ERCC2: variants seen among roughly 807,000 people sequenced by gnomAD.
ERCC2 encodes the protein general transcription and DNA repair factor IIH helicase subunit XPD.
ERCC2 carries 90 observed loss-of-function variants against 99.4 expected under a neutral mutation model. The ratio of observed to expected loss-of-function variants is 0.91; its 90% CI spans 0.76 to 1.08. ERCC2 has a LOEUF of 1.08. Among genes scored for constraint, ERCC2 ranks in the 50% least tolerant of loss-of-function variants. The probability of loss-of-function intolerance (pLI) is 0.00; values close to 1 mark genes in which losing one functional copy is unlikely to be tolerated. For missense variants in ERCC2, 993 were observed against 1,038.1 expected (o/e 0.96, Z 0.60); for synonymous variants, 497 against 432.4 (o/e 1.15, Z -1.85).
chr19:45,366,595 C>T (rs1972432993), intron 5 of ERCC2, among the ~76,000 whole-genome samples: 1 of 152,174 alleles, frequency 6.6e-6, no homozygotes, highest in Non-Finnish European at 1.5e-5. Flanking sequence ...CCCCTTACCC[C>T]TGACCTGCTC....
At position 45,350,910 on chromosome 19, in the gene ERCC2, C is replaced by G; in HGVS notation, c.*719G>C. 6.3e-7 allele frequency: 1 copy of G among 1,597,850 alleles called. No homozygotes were observed. The highest frequency in any genetic ancestry group is 8.6e-7 in the Non-Finnish European group (1 of 1,165,538). ...GGAAAGGTCCCTCGTGGAGGGGGGC[C>G]ACTCCTGGATTCACTCATTTCCTCC... On this transcript the variant is annotated 3_prime_UTR_variant, in exon 23 of 23. Transcript: ENST00000391945.
At chr19:45,358,900 T>G in intron 12 of ERCC2, 1 of 780,276 alleles carries the variant, frequency 1.3e-6, no homozygotes, top group South Asian at 1.3e-5. Flanking sequence ...GCTTCCACAG[T>G]GCTGAGCCTG....
Position 45,350,346 on chromosome 19 carries a change from A to G in ERCC2, c.*1283T>C. On this transcript the variant is annotated 3_prime_UTR_variant, in exon 23 of 23. Transcript: ENST00000391945. ...AGACACTCCCTTCTCCGCAGGCCTC[A>G]GCCTACCTGAAACAGAACAAGTATC... is the stretch of plus-strand genomic sequence containing the variant. 1 of 1,613,448 alleles carries G rather than the reference A, an allele frequency of 6.2e-7. No individual in the cohort carries two copies. The highest frequency in any genetic ancestry group is 8.5e-7 in the Non-Finnish European group (1 of 1,179,930).
intron 12 of ERCC2, among the ~76,000 whole-genome samples, chr19:45,359,322 G>A (rs1972127664): frequency 6.6e-6 from 1 of 152,176 alleles, no homozygotes; most frequent in East Asian, 1.9e-4. Context: ...GGAAGATGGG[G>A]CAGGACAGAG....
intron 12 of ERCC2, chr19:45,358,997 G>A (rs1325539617): frequency 1.5e-6 from 1 of 671,642 alleles, no homozygotes; most frequent in Non-Finnish European, 2.7e-6. Flanking sequence ...CTGTGCTGGG[G>A]ACACAGTGGT....
chr19:45,352,526 G>A lies in ERCC2; in HGVS notation c.2026C>T (p.Leu676Phe). The A allele has an allele frequency of 6.2e-7, 1 of 1,614,188 alleles. No individual in the cohort carries two copies. The highest frequency in any genetic ancestry group is 8.5e-7 in the Non-Finnish European group (1 of 1,180,038). ...TGCACCTTGTCGGCAAAGACCATGAGGCCGTAGTCCGTCTTGCCCCTGATG... is the reference window on the plus strand; with the variant it reads ...TGCACCTTGTCGGCAAAGACCATGAAGCCGTAGTCCGTCTTGCCCCTGATG... ...RAIRGKTDYG[L>F]MVFADKRFAR... The change falls in exon 21 of 23, where the codon CTC becomes TTC. Residue 676 changes from leucine (L) to phenylalanine (F), a missense_variant. By Grantham distance (22) the Leu-to-Phe change is conservative (BLOSUM62 0). This residue lies in a region of ERCC2 where 909 missense variants were observed against 930.8 expected (regional missense o/e 0.98). Coordinates refer to ENST00000391945, the MANE Select transcript of ERCC2 (RefSeq NM_000400.4).
chr19:45,353,234 A>T lies in ERCC2; in HGVS notation c.1758+8T>A, dbSNP rs546806453. ...CGACCCCTCTCCACGCTGGCCTCGC[A>T]CACCCACCTCCTGGTACTTCTCCAG... On this transcript the variant is annotated splice_region_variant and intron_variant, in intron 18 of 22. Transcript: ENST00000391945. 1.2e-6 allele frequency: 2 copies of T among 1,613,032 alleles called. No individual in the cohort carries two copies. The highest frequency in any genetic ancestry group is 1.7e-5 in the Admixed American group (1 of 59,952).
intron 5 of ERCC2, among the ~76,000 whole-genome samples, chr19:45,368,013 C>T (rs547680044): frequency 2.0e-5 from 3 of 151,448 alleles, no homozygotes; most frequent in African/African-American, 4.8e-5. Flanking sequence ...TTGGCATTAC[C>T]GACGTGTACA....
At chr19:45,353,410 TC>T in intron 17 of ERCC2, 76 bp from the exon 18 acceptor site, 2 of 940,450 alleles carry the variant, frequency 2.1e-6, no homozygotes. Context: ...TTCTGGGGAC[TC>T]CCACATCACC....
At position 45,353,142 on chromosome 19, in the gene ERCC2, C is replaced by T; in HGVS notation, c.1772G>A (p.Gly591Asp). Residue 591 changes from glycine to aspartate, a missense_variant, in exon 19 of 23, where the codon GGC (glycine) becomes GAC (aspartate). Gly to Asp is a moderately conservative substitution (Grantham distance 94). Around this residue, in one of 3 missense-constraint regions of ERCC2, gnomAD observed 909 missense variants for 930.8 expected, o/e 0.98. Transcript: ENST00000391945. ...CACTGACAGCAGGATGGCCCCGCGGCCATTCTCGCAGGCCTGAGGTGGGGA... is the reference window on the plus strand; with the variant it reads ...CACTGACAGCAGGATGGCCCCGCGGTCATTCTCGCAGGCCTGAGGTGGGGA... Reference protein sequence around the residue: ...LEKYQEACENGRGAILLSVAR... With the variant: ...LEKYQEACENDRGAILLSVAR... The T allele has an allele frequency of 6.2e-7, 1 of 1,613,836 alleles. No homozygotes were observed. Among genetic ancestry groups the T allele is most frequent in the Middle Eastern group, 1.7e-4 (1 of 5,982 alleles).
At position 45,350,804 on chromosome 19, in the gene ERCC2, C is replaced by G. The variant is rs1419899245; in HGVS notation, c.*825G>C. 7.7e-7 allele frequency: 1 copy of G among 1,300,724 alleles called. No homozygotes were observed. The highest frequency in any genetic ancestry group is 1.1e-6 in the Non-Finnish European group (1 of 924,718). The allele number at this position is 1,300,724 out of a possible 1,614,324, so 80.6% of individuals were successfully genotyped here. A position where few individuals can be genotyped will look rare whatever the true frequency, so the allele number is the denominator to read the frequency against. On this transcript the variant is annotated 3_prime_UTR_variant, in exon 23 of 23. Transcript: ENST00000391945. ...GACATCAGCAGAATCCACAGCCCAC[C>G]CCACCCCCACCCCCATCTTGCTCAA...
Position 45,350,575 on chromosome 19 carries a change from TCCTGGGGTGGGCGTGGGGACTGCATGGG to T in ERCC2, c.*1026_*1053del, listed in dbSNP as rs1971690849. On this transcript the variant is annotated 3_prime_UTR_variant, in exon 23 of 23. Coordinates refer to ENST00000391945, the MANE Select transcript of ERCC2 (RefSeq NM_000400.4). ...AGGTGAGGATGGGCTGTGCTTCGGCTCCTGGGGTGGGCGTGGGGACTGCATGGGCCTGGGGGACTGAGCAGCATCCCCG... is the reference window on the plus strand; with the variant it reads ...AGGTGAGGATGGGCTGTGCTTCGGCTCCTGGGGGACTGAGCAGCATCCCCG... 2 of 1,613,572 alleles carry T rather than the reference TCCTGGGGTGGGCGTGGGGACTGCATGGG, an allele frequency of 1.2e-6. No homozygotes were observed. Among genetic ancestry groups the T allele is most frequent in the Non-Finnish European group, 1.7e-6 (2 of 1,179,858 alleles).
Position 45,357,261 on chromosome 19 carries a change from C to T in ERCC2, c.1479+9G>A. ...CCTCCCGGCCCCAGCCCTAGCCTCT[C>T]CCACTCACCATAGGGCAGAGGCAGA... On this transcript the variant is annotated intron_variant, in intron 15 of 22. Coordinates refer to ENST00000391945, the MANE Select transcript of ERCC2 (RefSeq NM_000400.4). 1.2e-6 allele frequency: 2 copies of T among 1,604,750 alleles called. No homozygotes were observed. The highest frequency in any genetic ancestry group is 1.7e-6 in the Non-Finnish European group (2 of 1,172,222).
Position 45,351,181 on chromosome 19 carries a change from C to G in ERCC2, c.*448G>C, listed in dbSNP as rs772686665. ...AGATGGGTTTTACTTGGGGTAGAGG[C>G]GAGGGGGTTGGATAGTTGGCTGCCA... On this transcript the variant is annotated 3_prime_UTR_variant, in exon 23 of 23. Transcript: ENST00000391945. 2 of 1,584,468 alleles carry G rather than the reference C, an allele frequency of 1.3e-6. No individual in the cohort carries two copies. Among genetic ancestry groups the G allele is most frequent in the East Asian group, 2.2e-5 (1 of 44,638 alleles).
Position 45,370,223 on chromosome 19 carries a change from C to G in ERCC2, c.15G>C (p.Val5=). ...ACGGGAAGTAGACCAGGAGCCCGTC[C>G]ACGTTGAGCCTGGCGGCAGGGGCTG... MKLN[V]DGLLVYFPYD... Residue 5 remains valine, a synonymous_variant, in exon 2 of 23, where the codon GTG becomes GTC. Transcript: ENST00000391945. The G allele has an allele frequency of 6.2e-7, 1 of 1,613,384 alleles. No individual in the cohort carries two copies. Among genetic ancestry groups the G allele is most frequent in the Non-Finnish European group, 8.5e-7 (1 of 1,179,454 alleles).
chr19:45,352,076 G>A (rs537653546), intron 22 of ERCC2, 133 bp downstream of exon 22: 8 of 1,072,994 alleles, frequency 7.5e-6, no homozygotes, highest in East Asian at 2.6e-5. Context: ...GCACGTAGAT[G>A]CACGATAAAC....
In ERCC2 at chr19:45,364,032, C is replaced by A. The variant is rs1250320135; in HGVS notation, c.903G>T (p.Thr301=). 1 of 1,557,400 alleles carries A rather than the reference C, an allele frequency of 6.4e-7. No homozygotes were observed. The change falls in exon 10 of 23, where the codon ACG becomes ACT. Residue 301 remains threonine (T), a synonymous_variant. Coordinates refer to ENST00000391945, the MANE Select transcript of ERCC2 (RefSeq NM_000400.4). ...GLREASAARE[T]DAHLANPVLP... is the part of the protein sequence containing the mutation. ...GCACGGGGTTGGCCAGGTGGGCGTC[C>A]GTCTCCCGGGCGGCGCTGGCCTCCC...
chr19:45,364,702 T>TA, intron 7 of ERCC2, 136 bp downstream of exon 7: 1 of 1,289,552 alleles, frequency 7.8e-7, no homozygotes, highest in African/African-American at 1.5e-5. Flanking sequence ...GACCAACAGA[T>TA]ACGGGCACCC....
chr19:45,366,446 A>C (rs960759656), intron 5 of ERCC2, among the ~76,000 whole-genome samples: 3 of 152,106 alleles, frequency 2.0e-5, no homozygotes, highest in African/African-American at 7.2e-5. Context: ...CCAGCCCAAA[A>C]CTAATATTTT....
Sources: allele counts gnomAD v4.1 joint callset (sites outside exome capture counted in the v4.1 genomes callset), GRCh38; gene constraint gnomAD v4.1.1; regional missense constraint gnomAD v4.1.1; transcripts MANE v1.5; gene names NCBI Gene and HGNC (gene_info 2026-07-23, HGNC 2026-07-21).